The following STARD7 variants were observed in gnomAD, a reference collection of about 807,000 sequenced individuals.
The protein encoded by STARD7 is stAR-related lipid transfer protein 7, mitochondrial.
Under a neutral mutation model 45.3 loss-of-function variants are expected in STARD7, and 30 were observed. The observed-to-expected ratio is 0.66, with a 90% confidence interval of 0.50 to 0.90. The LOEUF (loss-of-function observed/expected upper bound fraction) is 0.90. STARD7 is among the 40% of genes least tolerant of loss of function. The pLI, the probability that STARD7 is intolerant of heterozygous loss-of-function variation, is 0.00. For synonymous variants in STARD7, 199 were observed against 183.0 expected (o/e 1.09, Z -0.70); for missense variants, 495 against 491.3 (o/e 1.01, Z -0.07).
In STARD7 at chr2:96,195,547, G is replaced by C; in HGVS notation, c.293C>G (p.Ser98Cys). 2 of 1,611,564 alleles carry C rather than the reference G, an allele frequency of 1.2e-6. No individual in the cohort carries two copies. Among genetic ancestry groups the C allele is most frequent in the Non-Finnish European group, 1.7e-6 (2 of 1,178,504 alleles). ...ERIQEEELQRSINEMKRLEEM... is the reference protein window; with the variant it reads ...ERIQEEELQRCINEMKRLEEM... ...TTCCAACCGCTTCATCTCATTAATA[G>C]ATCTGTAAAGGGGAAAAAGAGCCAT... is the stretch of plus-strand genomic sequence containing the variant. The change falls in exon 2 of 8, where the codon TCT (serine) becomes TGT (cysteine). Residue 98 changes from serine (S) to cysteine (C), a missense_variant and splice_region_variant. This residue lies in a region of STARD7 where 282 missense variants were observed against 220.1 expected (regional missense o/e 1.28). Transcript: ENST00000337288.
At chr2:96,189,751 T>C (rs1360342116) in intron 6 of STARD7, among the ~76,000 whole-genome samples, 1 of 151,256 alleles carries the variant, frequency 6.6e-6, no homozygotes, top group Non-Finnish European at 1.5e-5. Flanking sequence ...AGTATGCACA[T>C]CCTGAAGACA....
At position 96,208,400 on chromosome 2, in the gene STARD7, G is replaced by C; in HGVS notation, c.35C>G (p.Ala12Gly). ...CAGCAGGCCCCCGCCCCGCGTCCCC[G>C]CCAGCCAGGCGGCCAGCAGCCTCCG... ...LPRRLLAAWL[A>G]GTRGGGLLAL... The change falls in exon 1 of 8, where the codon GCG becomes GGG. Residue 12 changes from alanine to glycine, a missense_variant. By Grantham distance (60) the Ala-to-Gly change is moderately conservative. Around this residue, in one of 2 missense-constraint regions of STARD7, gnomAD observed 282 missense variants for 220.1 expected, o/e 1.28. Transcript: ENST00000337288. 6.9e-7 allele frequency: 1 copy of C among 1,447,232 alleles called. No individual in the cohort carries two copies. Among genetic ancestry groups the C allele is most frequent in the Non-Finnish European group, 9.0e-7 (1 of 1,110,258 alleles). 89.6% of individuals were successfully genotyped at this position (1,447,232 alleles called of 1,614,324 possible).
intron 1 of STARD7, among the ~76,000 whole-genome samples, chr2:96,201,328 C>T (rs1192966739): frequency 6.7e-6 from 1 of 150,112 alleles, no homozygotes; most frequent in Middle Eastern, 3.2e-3. Flanking sequence ...TAATCCTCAG[C>T]ATTTTGGGAG....
At chr2:96,192,526 G>A (rs951055808) in intron 5 of STARD7, 58 bp from the exon 6 acceptor site, 4 of 1,356,450 alleles carry the variant, frequency 2.9e-6, no homozygotes, top group Admixed American at 3.4e-5. Flanking sequence ...AAAACAACAG[G>A]AGAGCTAAGT....
rs60808208 is a variant in STARD7, at chr2:96,201,409, T to TAAAA, written c.291-5864_291-5861dup. Among the ~76,000 whole-genome samples the TAAAA allele has an allele frequency of 5.9e-3, 644 of 109,564 alleles. 15 individuals are homozygous for TAAAA. The highest frequency in any genetic ancestry group is 0.022 in the African/African-American group (618 of 27,796). 71.9% of individuals were successfully genotyped at this position (109,564 alleles called of 152,430 possible). A position where few individuals can be genotyped will look rare whatever the true frequency, so the allele number is the denominator to read the frequency against. ...TGGGCAACATGCAAAACTCCACCTC[T>TAAAA]AAAAAAAAAAAAAAAAAATTACACA... is the stretch of plus-strand genomic sequence containing the variant. On this transcript the variant is annotated intron_variant, in intron 1 of 7. Transcript: ENST00000337288.
At chr2:96,199,237 A>G (rs146303308) in intron 1 of STARD7, among the ~76,000 whole-genome samples, 2 of 152,366 alleles carry the variant, frequency 1.3e-5, no homozygotes, top group Non-Finnish European at 2.9e-5. Flanking sequence ...GATAAAGACT[A>G]CACTGAATTT....
intron 1 of STARD7, among the ~76,000 whole-genome samples, chr2:96,205,319 G>C (rs1334948450): frequency 6.6e-6 from 1 of 152,164 alleles, no homozygotes; most frequent in East Asian, 1.9e-4. Context: ...GTTATGCTTT[G>C]TCATTCTGAA....
In STARD7 at chr2:96,186,587, G is replaced by A. The variant is rs1310084305; in HGVS notation, c.*143C>T. Reference sequence around the variant, plus strand: ...AGCAATAAGGGCTCTGAATGAAATGGGACATCAGTTATTGAATTATCTTGC... The same window carrying A: ...AGCAATAAGGGCTCTGAATGAAATGAGACATCAGTTATTGAATTATCTTGC... On this transcript the variant is annotated 3_prime_UTR_variant, in exon 8 of 8. Transcript: ENST00000337288. The A allele has an allele frequency of 1.3e-5, 7 of 541,366 alleles. No homozygotes were observed. Among genetic ancestry groups the A allele is most frequent in the Non-Finnish European group, 2.2e-5 (7 of 315,470 alleles). The allele number at this position is 541,366 out of a possible 1,614,324, so 33.5% of individuals were successfully genotyped here. A position where few individuals can be genotyped will look rare whatever the true frequency, so the allele number is the denominator to read the frequency against.
intron 6 of STARD7, among the ~76,000 whole-genome samples, chr2:96,190,197 C>A (rs2104173898): frequency 6.6e-6 from 1 of 152,244 alleles, no homozygotes; most frequent in Admixed American, 6.5e-5. Context: ...TCTTGTAACA[C>A]CAGAAAGCAA....
At position 96,184,889 on chromosome 2, in the gene STARD7, TCA is replaced by T. The variant is rs1438453782; in HGVS notation, c.*1839_*1840del. 1 of 152,678 alleles carries T rather than the reference TCA, an allele frequency of 6.5e-6. No individual in the cohort carries two copies. The highest frequency in any genetic ancestry group is 1.9e-4 in the East Asian group (1 of 5,198). The allele number at this position is 152,678 out of a possible 1,614,324, so 9.5% of individuals were successfully genotyped here. On this transcript the variant is annotated 3_prime_UTR_variant, in exon 8 of 8. Transcript: ENST00000337288. The stretch of plus-strand genomic sequence containing the variant: ...TTTGTACCAATCTTTATGTATTTAT[TCA>T]CACATTTGATAAAAATGTCACAGTT...
chr2:96,201,748 A>G (rs1327697874), intron 1 of STARD7, among the ~76,000 whole-genome samples: 2 of 152,182 alleles, frequency 1.3e-5, no homozygotes, highest in African/African-American at 2.4e-5. Context: ...CAGTGAGTTG[A>G]GATCGTGCCA....
At chr2:96,192,547 G>C in intron 5 of STARD7, 79 bp from the exon 6 acceptor site, 1 of 1,056,660 alleles carries the variant, frequency 9.5e-7, no homozygotes, top group Non-Finnish European at 1.5e-6. Context: ...TAAGGGGAAG[G>C]CCTAAAAAGC....
intron 1 of STARD7, among the ~76,000 whole-genome samples, chr2:96,198,048 C>T (rs1379997528): frequency 4.6e-5 from 7 of 151,962 alleles, no homozygotes; most frequent in African/African-American, 1.5e-4. Flanking sequence ...GCTGGCCGGA[C>T]GTAGTGACTC....
At chr2:96,187,061 C>T (rs1683048212) in intron 7 of STARD7, 147 bp from the exon 8 acceptor site, 1 of 923,998 alleles carries the variant, frequency 1.1e-6, no homozygotes, top group Non-Finnish European at 1.6e-6. Context: ...AGCTGCCTCC[C>T]GGAATGTGTT....
chr2:96,202,502 T>C (rs1016827387), intron 1 of STARD7, among the ~76,000 whole-genome samples: 53 of 148,332 alleles, frequency 3.6e-4, no homozygotes, highest in African/African-American at 1.3e-3. Flanking sequence ...GGCATTTAGA[T>C]GTTGCAGAAG....
intron 1 of STARD7, among the ~76,000 whole-genome samples, chr2:96,207,341 A>C (rs1339626418): frequency 2.0e-5 from 3 of 152,258 alleles, no homozygotes; most frequent in African/African-American, 7.2e-5. Flanking sequence ...AATCACGGCA[A>C]AGTACTTTCT....
chr2:96,197,929 T>C (rs1475814707), intron 1 of STARD7, among the ~76,000 whole-genome samples: 1 of 152,240 alleles, frequency 6.6e-6, no homozygotes, highest in African/African-American at 2.4e-5. Flanking sequence ...TTCCATTGTA[T>C]GGATAGATCG....
rs1029515133 is a variant in STARD7, at chr2:96,193,159, T to A, written c.662A>T (p.Tyr221Phe). The A allele has an allele frequency of 6.2e-7, 1 of 1,611,324 alleles. No homozygotes were observed. Among genetic ancestry groups the A allele is most frequent in the Admixed American group, 1.7e-5 (1 of 59,994 alleles). ...EVLHWVTHFP[Y>F]PMYSRDYVYV... The stretch of plus-strand genomic sequence containing the variant: ...AACATAATCCCGTGAGTACATTGGA[T>A]ACTAAAGAAATGGAGGAGCAGGATT... The change falls in exon 5 of 8, where the codon TAT becomes TTT. Residue 221 changes from tyrosine to phenylalanine, a missense_variant and splice_region_variant. This residue lies in a region of STARD7 where 213 missense variants were observed against 271.2 expected (regional missense o/e 0.79). Transcript: ENST00000337288.
intron 6 of STARD7, among the ~76,000 whole-genome samples, 193 bp downstream of exon 6, chr2:96,192,176 T>TC (rs2104178787): frequency 6.6e-6 from 1 of 152,302 alleles, no homozygotes; most frequent in Non-Finnish European, 1.5e-5. Flanking sequence ...CACTACTTTG[T>TC]CCTTGGGGAA....
Sources: gnomAD v4.1 joint callset for allele counts (sites outside exome capture counted in the v4.1 genomes callset) on GRCh38, gnomAD v4.1.1 for gene constraint, gnomAD v4.1.1 regional missense constraint, MANE v1.5 for transcripts, NCBI Gene and HGNC (gene_info 2026-07-23, HGNC 2026-07-21) for gene names.